Variants in ZSWIM4 observed in about 807,000 individuals in gnomAD.
ZSWIM4 encodes zinc finger SWIM-type containing 4.
In ZSWIM4, 62 loss-of-function variants were observed where a neutral mutation model predicts 102.5. That is an observed-to-expected ratio of 0.60 (90% CI 0.49 to 0.75). ZSWIM4 has a LOEUF of 0.75. ZSWIM4 is among the 30% of genes least tolerant of loss of function. ZSWIM4 has a pLI of 0.00. For missense variants in ZSWIM4, 1,280 were observed against 1,529.6 expected, an observed-to-expected ratio of 0.84 and a Z score of 2.72; for synonymous variants, 652 against 674.5, an observed-to-expected ratio of 0.97 and a Z score of 0.52.
At chr19:13,816,419 T>C (rs1237938046) in intron 7 of ZSWIM4, among the ~76,000 whole-genome samples, 1 of 150,864 alleles carries the variant, frequency 6.6e-6, no homozygotes, top group African/African-American at 2.4e-5. Context: ...AGGTCAGGAG[T>C]TCAAAACCAG....
In ZSWIM4 at chr19:13,830,450, G is replaced by A. The variant is rs1347756702; in HGVS notation, c.2721G>A (p.Gln907=). ...KNHSAFEAAY[Q]IVLDAAAGGL... Reference sequence around the variant, plus strand: ...ACTCGGCCTTCGAGGCGGCCTACCAGATCGTGCTGGACGCGGCGGCCGGCG... The same window carrying A: ...ACTCGGCCTTCGAGGCGGCCTACCAAATCGTGCTGGACGCGGCGGCCGGCG... Residue 907 remains glutamine (Q), a synonymous_variant, in exon 14 of 14, where the codon CAG becomes CAA. Transcript: ENST00000590508. The A allele has an allele frequency of 6.2e-7, 1 of 1,607,344 alleles. No homozygotes were observed. The highest frequency in any genetic ancestry group is 1.1e-5 in the South Asian group (1 of 91,082).
rs1164256809 is a variant in ZSWIM4, at chr19:13,805,007, A to T, written c.571A>T (p.Thr191Ser). The change falls in exon 3 of 14, where the codon ACG becomes TCG. Residue 191 changes from threonine (T) to serine (S), a missense_variant. Transcript: ENST00000590508. ...GGAGCTGCGGCTGCCCATCTCCGAG[A>T]CGCTCTCCCAGATGAACCGGGACCA... ...QVELRLPISE[T>S]LSQMNRDQLQ... The T allele has an allele frequency of 4.3e-6, 7 of 1,612,366 alleles. No individual in the cohort carries two copies. Among genetic ancestry groups the T allele is most frequent in the Non-Finnish European group, 5.9e-6 (7 of 1,179,996 alleles).
chr19:13,817,706 G>T lies in ZSWIM4; in HGVS notation c.1670-16G>T, dbSNP rs752971893. Reference sequence around the variant, plus strand: ...AGGGGATCCGTCTCCAGCAGCCCTGGCCCTGTCTCCCCCAGACTCAGGCCC... The same window carrying T: ...AGGGGATCCGTCTCCAGCAGCCCTGTCCCTGTCTCCCCCAGACTCAGGCCC... On this transcript the variant is annotated splice_polypyrimidine_tract_variant and intron_variant, in intron 8 of 13. Coordinates refer to ENST00000590508, the MANE Select transcript of ZSWIM4 (RefSeq NM_001367834.3). The T allele has an allele frequency of 1.1e-5, 17 of 1,606,766 alleles. No individual in the cohort carries two copies. The highest frequency in any genetic ancestry group is 1.3e-5 in the African/African-American group (1 of 74,912).
At chr19:13,823,806 G>A (rs570765984) in intron 11 of ZSWIM4, among the ~76,000 whole-genome samples, 2 of 152,354 alleles carry the variant, frequency 1.3e-5, no homozygotes, top group South Asian at 2.1e-4. Context: ...GAGACCTGAA[G>A]ATGAGGTGGA....
At chr19:13,819,677 A>C (rs1051840932) in intron 10 of ZSWIM4, among the ~76,000 whole-genome samples, 185 bp downstream of exon 10, 2 of 151,170 alleles carry the variant, frequency 1.3e-5, no homozygotes, top group Non-Finnish European at 2.9e-5. Flanking sequence ...TTATTTATTT[A>C]TTTATTTATT....
Position 13,809,652 on chromosome 19 carries a change from T to G in ZSWIM4, c.1012+432T>G, listed in dbSNP as rs1374674158. ...GCACACTACCACATCCAGCTAATTT[T>G]TAATTTTTTGAAGAGACAGAGTCTC... On this transcript the variant is annotated intron_variant, in intron 5 of 13. Coordinates refer to ENST00000590508, the MANE Select transcript of ZSWIM4 (RefSeq NM_001367834.3). This position sits in a 1 kb window ranked among gnomAD's most constrained non-coding sequence, Gnocchi z 4.2. Among the ~76,000 whole-genome samples, 1 of 152,096 alleles carries G rather than the reference T, an allele frequency of 6.6e-6. No homozygotes were observed.
rs1410482866 is a variant in ZSWIM4, at chr19:13,830,299, G to C, written c.2570G>C (p.Arg857Pro). ...VTGTTHATLLRLQLDTSRREE... is the reference protein window; with the variant it reads ...VTGTTHATLLPLQLDTSRREE... The stretch of plus-strand genomic sequence containing the variant: ...GGCACCACACACGCCACTCTGCTGC[G>C]ACTGCAGCTGGACACATCGCGGAGG... The change falls in exon 14 of 14, where the codon CGA (arginine) becomes CCA (proline). Residue 857 changes from arginine to proline, a missense_variant. Physicochemically the swap from Arg to Pro is moderately radical, Grantham distance 103 (BLOSUM62 -2). Coordinates refer to ENST00000590508, the MANE Select transcript of ZSWIM4 (RefSeq NM_001367834.3). The C allele has an allele frequency of 1.9e-6, 3 of 1,613,794 alleles. No individual in the cohort carries two copies. Among genetic ancestry groups the C allele is most frequent in the East Asian group, 4.5e-5 (2 of 44,886 alleles).
intron 2 of ZSWIM4, among the ~76,000 whole-genome samples, chr19:13,800,511 C>T (rs1326012919): frequency 1.3e-5 from 2 of 151,312 alleles, no homozygotes; most frequent in Admixed American, 6.6e-5. Flanking sequence ...GTGATCCACC[C>T]GCCTCGGCCT....
At chr19:13,807,750 GATGC>G (rs1555712787) in intron 3 of ZSWIM4, among the ~76,000 whole-genome samples, 23 of 126,286 alleles carry the variant, frequency 1.8e-4, no homozygotes, top group African/African-American at 7.8e-4. Context: ...TGCATGGATG[GATGC>G]ATGGATGGAT....
In ZSWIM4 at chr19:13,795,780, C is replaced by A. The variant is rs756013201; in HGVS notation, c.132C>A (p.Ala44=). 1.6e-6 allele frequency: 2 copies of A among 1,251,682 alleles called. No individual in the cohort carries two copies. Among genetic ancestry groups the A allele is most frequent in the Admixed American group, 3.7e-5 (1 of 27,294 alleles). 77.5% of individuals were successfully genotyped at this position (1,251,682 alleles called of 1,614,324 possible). The change falls in exon 1 of 14, where the codon GCC becomes GCA. Residue 44 remains alanine, a synonymous_variant. Coordinates refer to ENST00000590508, the MANE Select transcript of ZSWIM4 (RefSeq NM_001367834.3). ...ALLDLSAKRV[A]ESWAFEQVEE... is the part of the protein sequence containing the mutation. ...TGGACCTCAGCGCCAAGCGGGTAGCCGAGAGCTGGGCCTTCGAGCAGGTGA... is the reference window on the plus strand; with the variant it reads ...TGGACCTCAGCGCCAAGCGGGTAGCAGAGAGCTGGGCCTTCGAGCAGGTGA...
At chr19:13,810,569 G>A (rs947613756) in intron 5 of ZSWIM4, among the ~76,000 whole-genome samples, 2 of 152,054 alleles carry the variant, frequency 1.3e-5, no homozygotes, top group African/African-American at 4.8e-5. Flanking sequence ...GGGATTACAG[G>A]CGTGAGCCAC....
At chr19:13,810,909 CT>C (rs58776366) in intron 5 of ZSWIM4, among the ~76,000 whole-genome samples, 1,128 of 94,130 alleles carry the variant, frequency 0.012, 1 homozygote, top group African/African-American at 0.024. Flanking sequence ...CACGCCCAGC[CT>C]TTTTTTTTTT....
In ZSWIM4 at chr19:13,804,868, CTT is replaced by C; in HGVS notation, c.434_435del (p.Phe145Ter). 1 of 1,613,638 alleles carries C rather than the reference CTT, an allele frequency of 6.2e-7. No homozygotes were observed. Among genetic ancestry groups the C allele is most frequent in the South Asian group, 1.1e-5 (1 of 91,084 alleles). On this transcript the variant is annotated frameshift_variant, in exon 3 of 14. Transcript: ENST00000590508. LOFTEE classifies it high-confidence loss of function. Reference protein sequence around the residue: ...PERLYHVSISFDRCKITSVSC... With the variant: ...PERLYHVSISXDRCKITSVSC... ...AGCGCCTCTACCATGTCTCCATCAG[CTT>C]TGATCGCTGCAAGATCACGTCCGTG...
chr19:13,824,980 G>T (rs964201252), intron 11 of ZSWIM4, among the ~76,000 whole-genome samples: 2 of 151,738 alleles, frequency 1.3e-5, no homozygotes. Context: ...GGCATTCTGG[G>T]TGTGCAACCA....
At chr19:13,796,163 C>T (rs1430814677) in intron 1 of ZSWIM4, among the ~76,000 whole-genome samples, 1 of 150,938 alleles carries the variant, frequency 6.6e-6, no homozygotes, top group Non-Finnish European at 1.5e-5. Context: ...CAACGGTACC[C>T]CTCTTTTCCC....
chr19:13,817,061 C>A (rs1255987219), intron 7 of ZSWIM4, among the ~76,000 whole-genome samples, 155 bp from the exon 8 acceptor site: 6 of 151,772 alleles, frequency 4.0e-5, no homozygotes, highest in African/African-American at 1.5e-4. Context: ...AAGCGAGACC[C>A]CACCTCAAAA....
Position 13,831,147 on chromosome 19 carries a change from A to G in ZSWIM4, c.*97A>G. The G allele has an allele frequency of 2.0e-6, 3 of 1,466,880 alleles. No individual in the cohort carries two copies. The highest frequency in any genetic ancestry group is 2.7e-6 in the Non-Finnish European group (3 of 1,106,682). 90.9% of individuals were successfully genotyped at this position (1,466,880 alleles called of 1,614,324 possible). A position where few individuals can be genotyped will look rare whatever the true frequency, so the allele number is the denominator to read the frequency against. On this transcript the variant is annotated 3_prime_UTR_variant, in exon 14 of 14. Coordinates refer to ENST00000590508, the MANE Select transcript of ZSWIM4 (RefSeq NM_001367834.3). ...CCCACGTGGCATTTCAGTATTATTA[A>G]GTCAGGGAAGGAGCCCGGCTGGAGA...
chr19:13,809,103 G>T lies in ZSWIM4; in HGVS notation c.895G>T (p.Gly299Trp). The change falls in exon 5 of 14, where the codon GGG becomes TGG. Residue 299 changes from glycine to tryptophan, a missense_variant. Gly to Trp is a radical substitution (Grantham distance 184, BLOSUM62 -2). Coordinates refer to ENST00000590508, the MANE Select transcript of ZSWIM4 (RefSeq NM_001367834.3). This position sits in a 1 kb window ranked among gnomAD's most constrained non-coding sequence, Gnocchi z 4.2. ...GATGCTGCGAATGCGGGACTCCAAC[G>T]GGGCGCGCATGCTGATTCTCATGAC... ...REMLRMRDSN[G>W]ARMLILMTEQ... is the part of the protein sequence containing the mutation. The T allele has an allele frequency of 6.2e-7, 1 of 1,613,656 alleles. No homozygotes were observed. Among genetic ancestry groups the T allele is most frequent in the South Asian group, 1.1e-5 (1 of 91,042 alleles).
intron 2 of ZSWIM4, among the ~76,000 whole-genome samples, chr19:13,801,145 A>G (rs547482359): frequency 7.9e-6 from 1 of 126,460 alleles, no homozygotes; most frequent in East Asian, 2.1e-4. Flanking sequence ...GCTATCTCAA[A>G]GAGAAAAAAG....
Sources: gnomAD v4.1 joint callset for allele counts (sites outside exome capture counted in the v4.1 genomes callset) on GRCh38, gnomAD v4.1.1 for gene constraint, Gnocchi (gnomAD v3.1) non-coding constraint, MANE v1.5 for transcripts, NCBI Gene and HGNC (gene_info 2026-07-23, HGNC 2026-07-21) for gene names.